KCNK13: variants seen among roughly 807,000 people sequenced by gnomAD.
The protein encoded by KCNK13 is potassium channel subfamily K member 13.
Under a neutral mutation model 23.4 loss-of-function variants are expected in KCNK13, and 12 were observed. The ratio of observed to expected loss-of-function variants is 0.51; its 90% CI spans 0.33 to 0.83. The LOEUF (loss-of-function observed/expected upper bound fraction) is 0.83. Ranked by LOEUF, KCNK13 falls within the 40% of genes least tolerant of loss-of-function variation. The pLI is 0.02. For missense variants in KCNK13, 463 were observed against 556.3 expected, an observed-to-expected ratio of 0.83 and a Z score of 1.69; for synonymous variants, 231 against 229.5, an observed-to-expected ratio of 1.01 and a Z score of -0.06.
At chr14:90,139,582 AT>A (rs113352292) in intron 1 of KCNK13, among the ~76,000 whole-genome samples, 3 of 152,172 alleles carry the variant, frequency 2.0e-5, no homozygotes, top group African/African-American at 7.2e-5. Context: ...ATATTTTTAA[AT>A]GATCACTCTC....
At chr14:90,115,139 A>G (rs1048890513) in intron 1 of KCNK13, among the ~76,000 whole-genome samples, 8 of 152,164 alleles carry the variant, frequency 5.3e-5, no homozygotes, top group Admixed American at 1.3e-4. Flanking sequence ...CTGATTGTAA[A>G]TGGTCCCAAA....
chr14:90,064,208 C>A (rs913293727), intron 1 of KCNK13, among the ~76,000 whole-genome samples: 3 of 152,242 alleles, frequency 2.0e-5, no homozygotes, highest in African/African-American at 7.2e-5. Flanking sequence ...TTGGAAGTGA[C>A]CTTGACTCTA....
chr14:90,177,970 G>T (rs1407294930), intron 1 of KCNK13, among the ~76,000 whole-genome samples: 2 of 152,072 alleles, frequency 1.3e-5, no homozygotes. Context: ...TAATGAGGAT[G>T]CCCCATATGT....
chr14:90,141,922 A>G (rs986286762), intron 1 of KCNK13, among the ~76,000 whole-genome samples: 2 of 151,916 alleles, frequency 1.3e-5, no homozygotes, highest in African/African-American at 4.8e-5. Context: ...AGCTGGGACT[A>G]CAGGTGCCTG....
At chr14:90,145,995 T>TCAAAACAAAA (rs144565802) in intron 1 of KCNK13, among the ~76,000 whole-genome samples, 18 of 152,026 alleles carry the variant, frequency 1.2e-4, no homozygotes, top group South Asian at 8.3e-4. Context: ...AGACCCTGTC[T>TCAAAACAAAA]CAAAACAAAA....
chr14:90,139,624 C>T (rs1284856739), intron 1 of KCNK13, among the ~76,000 whole-genome samples: 1 of 152,120 alleles, frequency 6.6e-6, no homozygotes, highest in Admixed American at 6.5e-5. Flanking sequence ...TACTCTGACA[C>T]TGGGAGGAAA....
intron 1 of KCNK13, among the ~76,000 whole-genome samples, chr14:90,133,319 G>A (rs182498526): frequency 7.9e-4 from 120 of 152,264 alleles, no homozygotes; most frequent in Non-Finnish European, 1.0e-3. Flanking sequence ...TATATGAAAT[G>A]TCCACAACGG....
chr14:90,066,369 C>T (rs1022804068), intron 1 of KCNK13, among the ~76,000 whole-genome samples: 4 of 151,976 alleles, frequency 2.6e-5, no homozygotes, highest in Non-Finnish European at 4.4e-5. Context: ...CAGGTGCAAG[C>T]AATTCTCCTG....
chr14:90,087,853 G>A (rs1174320117), intron 1 of KCNK13, among the ~76,000 whole-genome samples: 1 of 152,154 alleles, frequency 6.6e-6, no homozygotes, highest in Non-Finnish European at 1.5e-5. Flanking sequence ...CTCAGCTAGT[G>A]ATGATGTCCT....
At chr14:90,099,827 C>T (rs1889453178) in intron 1 of KCNK13, among the ~76,000 whole-genome samples, 1 of 152,190 alleles carries the variant, frequency 6.6e-6, no homozygotes, top group Non-Finnish European at 1.5e-5. Context: ...AAAGCCACAT[C>T]CTTTCTCATA....
chr14:90,119,380 T>C (rs1368978166), intron 1 of KCNK13, among the ~76,000 whole-genome samples: 1 of 152,202 alleles, frequency 6.6e-6, no homozygotes, highest in Non-Finnish European at 1.5e-5. Context: ...TTAACATTGA[T>C]GCAAAAATCC....
rs1160269248 is a variant in KCNK13, at chr14:90,180,884, G to GTCTC, written c.335-3226_335-3223dup. 2.6e-5 allele frequency among the ~76,000 whole-genome samples: 4 copies of GTCTC among 151,892 alleles called. No homozygotes were observed. The East Asian group carries it at 5.8e-4, about 22-fold the overall frequency. On this transcript the variant is annotated intron_variant, in intron 1 of 1. Coordinates refer to ENST00000282146, the MANE Select transcript of KCNK13 (RefSeq NM_022054.4). ...ATTTTTTCTTTTTTTTTCAGACAGG[G>GTCTC]TCTCACTCTGTCACCAGGCTGGAGT...
At chr14:90,110,223 T>C (rs549995098) in intron 1 of KCNK13, among the ~76,000 whole-genome samples, 2 of 152,088 alleles carry the variant, frequency 1.3e-5, no homozygotes, top group Non-Finnish European at 2.9e-5. Flanking sequence ...CGCATAAAAA[T>C]GCACCTGAGC....
chr14:90,095,655 G>C (rs993722227), intron 1 of KCNK13, among the ~76,000 whole-genome samples: 1 of 151,800 alleles, frequency 6.6e-6, no homozygotes, highest in African/African-American at 2.4e-5. Flanking sequence ...AGTCAACAAC[G>C]ATCAACACAG....
intron 1 of KCNK13, among the ~76,000 whole-genome samples, chr14:90,147,188 C>T (rs74082649): frequency 0.065 from 9,878 of 152,168 alleles, 415 homozygotes; most frequent in South Asian, 0.21. Context: ...GAGGGTATAT[C>T]TAGTTCCTGT....
At chr14:90,170,351 T>C (rs1890350778) in intron 1 of KCNK13, among the ~76,000 whole-genome samples, 1 of 152,042 alleles carries the variant, frequency 6.6e-6, no homozygotes, top group African/African-American at 2.4e-5. Flanking sequence ...GTAACTGGGA[T>C]TACAGGTGCC....
At chr14:90,176,198 G>A (rs1890420526) in intron 1 of KCNK13, among the ~76,000 whole-genome samples, 1 of 152,158 alleles carries the variant, frequency 6.6e-6, no homozygotes, top group Admixed American at 6.5e-5. Context: ...GCAGACATGG[G>A]ATCTGAATTT....
In KCNK13 at chr14:90,062,864, G is replaced by C. The variant is rs542695032; in HGVS notation, c.334+325G>C. Among the ~76,000 whole-genome samples the C allele has an allele frequency of 2.6e-5, 4 of 152,198 alleles. No individual in the cohort carries two copies. The highest frequency in any genetic ancestry group is 5.9e-5 in the Non-Finnish European group (4 of 68,030). ...TTAAATTGGAGACGCTCTGCTCTGG[G>C]AGATTTTCAGTCTAATGAAGGAGAC... On this transcript the variant is annotated intron_variant, in intron 1 of 1. Transcript: ENST00000282146. This position sits in a 1 kb window ranked among gnomAD's most constrained non-coding sequence, Gnocchi z 4.5.
chr14:90,094,645 C>CTTTTTTTTTTTT (rs778654067), intron 1 of KCNK13, among the ~76,000 whole-genome samples: 3 of 111,644 alleles, frequency 2.7e-5, no homozygotes, highest in Non-Finnish European at 5.4e-5. Context: ...TCTTTTTTTT[C>CTTTTTTTTTTTT]TTTTTTTTTT....
Sources: allele counts gnomAD v4.1 joint callset (sites outside exome capture counted in the v4.1 genomes callset), GRCh38; gene constraint gnomAD v4.1.1; non-coding constraint Gnocchi (gnomAD v3.1); transcripts MANE v1.5; gene names NCBI Gene and HGNC (gene_info 2026-07-23, HGNC 2026-07-21).